The following SIN3A variants were observed in gnomAD, a reference collection of about 807,000 sequenced individuals.
The protein encoded by SIN3A is paired amphipathic helix protein Sin3a.
SIN3A carries 14 observed loss-of-function variants against 146.1 expected under a neutral mutation model. That is an observed-to-expected ratio of 0.10 (90% confidence interval 0.06 to 0.15). The LOEUF (loss-of-function observed/expected upper bound fraction) is 0.15, where lower values mean the gene tolerates loss of function less well. Among genes scored for constraint, SIN3A ranks in the 10% least tolerant of loss-of-function variants. The probability of loss-of-function intolerance (pLI) is 1.00; values close to 1 mark genes in which losing one functional copy is unlikely to be tolerated. For synonymous variants in SIN3A, 572 were observed against 572.0 expected, an observed-to-expected ratio of 1.00 and a Z score of 0.00; for missense variants, 1,028 against 1,576.0, an observed-to-expected ratio of 0.65 and a Z score of 5.89.
At position 75,372,188 on chromosome 15, in the gene SIN3A, G is replaced by A. The variant is rs1365834797; in HGVS notation, c.3613C>T (p.Arg1205Cys). The A allele has an allele frequency of 9.3e-6, 15 of 1,608,500 alleles. 1 individual carries two copies. The East Asian group carries it at 2.5e-4, about 26-fold the overall frequency. ...AHQSHERVSK[R>C]LHQRFQAWVD... ...CAGGCCTGGAATCTCTGATGTAGAC[G>A]CTTGCTTACACGCTCATGGGACTGC... The change falls in exon 21 of 21, where the codon CGT becomes TGT. Residue 1205 changes from arginine to cysteine, a missense_variant. By Grantham distance (180) the Arg-to-Cys change is radical (BLOSUM62 -3). This residue lies in a region of SIN3A where 488 missense variants were observed against 690.2 expected (regional missense o/e 0.71). Coordinates refer to ENST00000394947, the MANE Select transcript of SIN3A (RefSeq NM_001145358.2).
chr15:75,381,159 C>G (rs985649498), intron 18 of SIN3A: 1 of 182,724 alleles, frequency 5.5e-6, no homozygotes, highest in Non-Finnish European at 1.2e-5. Context: ...CCACACGACC[C>G]CCCCCAACAT....
intron 2 of SIN3A, among the ~76,000 whole-genome samples, chr15:75,429,074 G>A (rs895931546): frequency 2.0e-5 from 3 of 152,080 alleles, no homozygotes; most frequent in Middle Eastern, 6.8e-3. Flanking sequence ...TTATGTTATC[G>A]GTAAAGCTTC....
intron 1 of SIN3A, chr15:75,447,532 T>C (rs2074329410): frequency 6.6e-6 from 1 of 152,192 alleles, no homozygotes. Flanking sequence ...ATATACTGTA[T>C]CATCTCTCTC....
intron 1 of SIN3A, among the ~76,000 whole-genome samples, chr15:75,448,493 C>CAAA (rs377718727): frequency 2.1e-3 from 263 of 127,552 alleles, no homozygotes; most frequent in Admixed American, 3.1e-3. Context: ...GACTCCATCT[C>CAAA]AAAAAAAAAA....
intron 19 of SIN3A, chr15:75,376,239 A>C: frequency 4.3e-6 from 1 of 229,966 alleles, no homozygotes; most frequent in Non-Finnish European, 8.6e-6. Context: ...TCAACTTTTC[A>C]CTTACTGTCA....
chr15:75,411,375 T>A lies in SIN3A; in HGVS notation c.1008+117A>T, dbSNP rs1271238456. 4.4e-6 allele frequency: 5 copies of A among 1,144,888 alleles called. No individual in the cohort carries two copies. The East Asian group carries it at 1.2e-4, about 27-fold the overall frequency. The allele number at this position is 1,144,888 out of a possible 1,614,324, so 70.9% of individuals were successfully genotyped here. A position where few individuals can be genotyped will look rare whatever the true frequency, so the allele number is the denominator to read the frequency against. ...CTGGCTTTAAAAACATGCATGATAGTTTCTAACTGGTTAATTTCCAGTATG... is the reference window on the plus strand; with the variant it reads ...CTGGCTTTAAAAACATGCATGATAGATTCTAACTGGTTAATTTCCAGTATG... On this transcript the variant is annotated intron_variant, in intron 6 of 20. Coordinates refer to ENST00000394947, the MANE Select transcript of SIN3A (RefSeq NM_001145358.2).
At chr15:75,412,039 A>G (rs1472699373) in intron 5 of SIN3A, among the ~76,000 whole-genome samples, 2 of 152,254 alleles carry the variant, frequency 1.3e-5, no homozygotes, top group African/African-American at 4.8e-5. Flanking sequence ...TAGCTCAACA[A>G]GTACACATAG....
chr15:75,399,665 A>G (rs2073375116), intron 12 of SIN3A, among the ~76,000 whole-genome samples: 1 of 152,282 alleles, frequency 6.6e-6, no homozygotes, highest in African/African-American at 2.4e-5. Context: ...GTAACAATAC[A>G]CACAGATCTT....
chr15:75,427,899 A>C (rs961444970), intron 2 of SIN3A, among the ~76,000 whole-genome samples: 3 of 152,050 alleles, frequency 2.0e-5, no homozygotes, highest in East Asian at 1.9e-4. Flanking sequence ...TGAGCCCGGG[A>C]GGCAGAGGTT....
intron 1 of SIN3A, among the ~76,000 whole-genome samples, chr15:75,446,947 T>C (rs546361588): frequency 1.3e-5 from 2 of 152,250 alleles, no homozygotes; most frequent in South Asian, 2.1e-4. Flanking sequence ...CTAACTCTTT[T>C]GTATTTTTTT....
Position 75,414,143 on chromosome 15 carries a change from C to A in SIN3A, c.473+62G>T, listed in dbSNP as rs951594705. On this transcript the variant is annotated intron_variant, in intron 4 of 20. Coordinates refer to ENST00000394947, the MANE Select transcript of SIN3A (RefSeq NM_001145358.2). Reference sequence around the variant, plus strand: ...TTATCTTCCAGTAAATAAACTATATCCTCTTCCTTCCAAAATCAATATGCC... The same window carrying A: ...TTATCTTCCAGTAAATAAACTATATACTCTTCCTTCCAAAATCAATATGCC... 7.5e-6 allele frequency: 6 copies of A among 799,838 alleles called. No homozygotes were observed. In the African/African-American group the frequency reaches 8.7e-5, roughly 12 times the overall value. 49.5% of individuals were successfully genotyped at this position (799,838 alleles called of 1,614,324 possible).
chr15:75,418,706 A>G (rs866327880), intron 3 of SIN3A, among the ~76,000 whole-genome samples: 1 of 152,204 alleles, frequency 6.6e-6, no homozygotes. Context: ...ATACAGTCTC[A>G]GGTATTTTGT....
chr15:75,419,017 A>G (rs918447163), intron 3 of SIN3A, among the ~76,000 whole-genome samples: 1 of 151,900 alleles, frequency 6.6e-6, no homozygotes, highest in Non-Finnish European at 1.5e-5. Context: ...TCGGCCTCTT[A>G]AAGTGCTAGG....
At chr15:75,396,517 G>GGAAGA in intron 12 of SIN3A, 21 bp from the exon 13 acceptor site, 1 of 1,560,962 alleles carries the variant, frequency 6.4e-7, no homozygotes, top group Non-Finnish European at 8.8e-7. Flanking sequence ...AGACAAAGAA[G>GGAAGA]GGTATGCTCA....
chr15:75,387,054 G>GC (rs1328487762), intron 16 of SIN3A, among the ~76,000 whole-genome samples: 2 of 152,060 alleles, frequency 1.3e-5, no homozygotes, highest in Non-Finnish European at 2.9e-5. Context: ...ATATCTGCCC[G>GC]CCTTGGACTC....
intron 2 of SIN3A, among the ~76,000 whole-genome samples, chr15:75,427,044 GAA>G (rs939590578): frequency 6.6e-6 from 1 of 152,036 alleles, no homozygotes; most frequent in South Asian, 2.1e-4. Flanking sequence ...AGGTGTGACA[GAA>G]AAAAAGTCAT....
intron 15 of SIN3A, 47 bp downstream of exon 15, chr15:75,392,195 T>C (rs754662270): frequency 1.3e-6 from 2 of 1,559,174 alleles, no homozygotes; most frequent in Admixed American, 3.5e-5. Context: ...GGCTCTAAGG[T>C]CCTCAACCTC....
intron 8 of SIN3A, among the ~76,000 whole-genome samples, chr15:75,409,286 CAAAGGAGAG>C (rs2073580736): frequency 6.6e-6 from 1 of 151,992 alleles, no homozygotes; most frequent in Admixed American, 6.6e-5. Flanking sequence ...CAGCTCATTG[CAAAGGAGAG>C]ATAATAAAGA....
chr15:75,405,421 T>A (rs1037368259), intron 9 of SIN3A, among the ~76,000 whole-genome samples: 1 of 151,036 alleles, frequency 6.6e-6, no homozygotes. Context: ...CATCTAATAT[T>A]GAGTCCGTGT....
Sources: allele counts gnomAD v4.1 joint callset (sites outside exome capture counted in the v4.1 genomes callset), GRCh38; gene constraint gnomAD v4.1.1; regional missense constraint gnomAD v4.1.1; transcripts MANE v1.5; gene names NCBI Gene and HGNC (gene_info 2026-07-23, HGNC 2026-07-21).